DDX42: variants seen among roughly 807,000 people sequenced by gnomAD.
DDX42 encodes the protein DEAD-box helicase 42.
In DDX42, 22 loss-of-function variants were observed where a neutral mutation model predicts 101.5. The observed-to-expected ratio is 0.22, with a 90% CI of 0.15 to 0.31. The LOEUF (loss-of-function observed/expected upper bound fraction) is 0.31, where lower values mean the gene tolerates loss of function less well. Ranked by LOEUF, DDX42 falls within the 10% of genes least tolerant of loss-of-function variation. The pLI is 1.00. For synonymous variants in DDX42, 402 were observed against 401.2 expected, an observed-to-expected ratio of 1.00 and a Z score of -0.02; for missense variants, 849 against 1,199.9, an observed-to-expected ratio of 0.71 and a Z score of 4.32.
intron 1 of DDX42, among the ~76,000 whole-genome samples, chr17:63,785,902 T>C (rs1440803888): frequency 6.6e-6 from 1 of 152,228 alleles, no homozygotes; most frequent in East Asian, 1.9e-4. Flanking sequence ...CAGATGTCAT[T>C]ACCAGAGGAT....
At chr17:63,813,883 A>G (rs1284735411) in intron 15 of DDX42, among the ~76,000 whole-genome samples, 1 of 151,716 alleles carries the variant, frequency 6.6e-6, no homozygotes, top group African/African-American at 2.4e-5. Flanking sequence ...TCTATCGCCC[A>G]GGCTGCAGTG....
chr17:63,778,525 G>A (rs2039448166), intron 1 of DDX42, among the ~76,000 whole-genome samples: 1 of 152,140 alleles, frequency 6.6e-6, no homozygotes, highest in African/African-American at 2.4e-5. Flanking sequence ...GAGTATGGCT[G>A]CATCTGATTC....
At chr17:63,794,338 G>A (rs1163547114) in intron 3 of DDX42, among the ~76,000 whole-genome samples, 2 of 152,042 alleles carry the variant, frequency 1.3e-5, no homozygotes, top group East Asian at 3.9e-4. Flanking sequence ...GAGTCTAGGA[G>A]TTCAAGATCA....
At chr17:63,804,988 G>C (rs975165475) in intron 6 of DDX42, 83 bp from the exon 7 acceptor site, 2 of 1,494,920 alleles carry the variant, frequency 1.3e-6, no homozygotes, top group Non-Finnish European at 1.8e-6. Context: ...TGTAAAATTT[G>C]GAAAAGATTA....
rs199989065 is a variant in DDX42 at position 63,783,498 on chromosome 17, T to G, written c.-16-3536T>G. ...CCTCTTGTAAAGATAGCTTATAGAT[T>G]AGTTTAAAAACGTCAGATGCTGAAA... On this transcript the variant is annotated intron_variant, in intron 1 of 17. Transcript: ENST00000389924. 1.1e-4 allele frequency among the ~76,000 whole-genome samples: 16 copies of G among 152,308 alleles called. No individual in the cohort carries two copies. The East Asian group carries it at 3.1e-3, about 29-fold the overall frequency.
At chr17:63,815,168 T>A (rs2039961748) in intron 15 of DDX42, among the ~76,000 whole-genome samples, 1 of 152,250 alleles carries the variant, frequency 6.6e-6, no homozygotes, top group South Asian at 2.1e-4. Flanking sequence ...CTTCTGAACA[T>A]ACCAGTTGTT....
chr17:63,813,831 T>C (rs752155566), intron 15 of DDX42, among the ~76,000 whole-genome samples: 3 of 152,006 alleles, frequency 2.0e-5, no homozygotes, highest in Non-Finnish European at 2.9e-5. Context: ...ATGTGTATAG[T>C]ATAGTGCCCC....
intron 1 of DDX42, among the ~76,000 whole-genome samples, chr17:63,777,015 T>C (rs58131426): frequency 0.32 from 48,919 of 151,970 alleles, 8,589 homozygotes; most frequent in South Asian, 0.58. Flanking sequence ...CAAGCAATCC[T>C]CTTGCCTCAG....
intron 6 of DDX42, among the ~76,000 whole-genome samples, chr17:63,802,372 A>G (rs2039781665): frequency 6.6e-6 from 1 of 152,238 alleles, no homozygotes. Flanking sequence ...TTGAGTTGTA[A>G]GGTGAACTAG....
rs1481196248 is a variant in DDX42 at position 63,798,431 on chromosome 17, TATAAA to T, written c.434+336_434+340del. 9.2e-5 allele frequency among the ~76,000 whole-genome samples: 14 copies of T among 152,352 alleles called. No individual in the cohort carries two copies. In the South Asian group the frequency reaches 1.0e-3, roughly 11 times the overall value. ...TGTTCTGAGTTTGTCGCATAATTAATATAAAATAGGTTTATGCCTATATGGTTGAT... is the reference window on the plus strand; with the variant it reads ...TGTTCTGAGTTTGTCGCATAATTAATATAGGTTTATGCCTATATGGTTGAT... On this transcript the variant is annotated intron_variant, in intron 4 of 17. Transcript: ENST00000389924.
intron 4 of DDX42, among the ~76,000 whole-genome samples, chr17:63,798,956 T>G (rs2039727361): frequency 6.6e-6 from 1 of 151,660 alleles, no homozygotes; most frequent in South Asian, 2.1e-4. Context: ...AGGCAGAAAG[T>G]CTGATTAGAA....
intron 1 of DDX42, among the ~76,000 whole-genome samples, chr17:63,777,293 C>T (rs1423569732): frequency 6.6e-6 from 1 of 151,946 alleles, no homozygotes; most frequent in Non-Finnish European, 1.5e-5. Flanking sequence ...TTGTAGATCT[C>T]CTTTAGTCTT....
At chr17:63,807,009 A>T (rs2039849631) in intron 8 of DDX42, among the ~76,000 whole-genome samples, 1 of 152,132 alleles carries the variant, frequency 6.6e-6, no homozygotes, top group African/African-American at 2.4e-5. Flanking sequence ...TATATATGGG[A>T]TTTATTTATT....
chr17:63,808,111 G>A (rs999164405), intron 9 of DDX42, among the ~76,000 whole-genome samples: 2 of 152,130 alleles, frequency 1.3e-5, no homozygotes, highest in African/African-American at 4.8e-5. Flanking sequence ...AAAGTATTAT[G>A]TGTTAAATAT....
At chr17:63,809,199 T>C (rs574141947) in intron 10 of DDX42, among the ~76,000 whole-genome samples, 1 of 152,180 alleles carries the variant, frequency 6.6e-6, no homozygotes, top group South Asian at 2.1e-4. Context: ...TCCCACAAAA[T>C]GATTGCCAAG....
Position 63,800,639 on chromosome 17 carries a change from T to G in DDX42, c.621+22T>G, listed in dbSNP as rs1462225038. 2.5e-6 allele frequency: 4 copies of G among 1,609,680 alleles called. No homozygotes were observed. The East Asian group carries it at 8.9e-5, about 36-fold the overall frequency. ...AGAGGTATGGTGTTTCTTGCTGAAT[T>G]TTACTCTTGTTTCAAGCTGATGCTT... On this transcript the variant is annotated intron_variant, in intron 6 of 17. Transcript: ENST00000389924.
chr17:63,795,489 G>A (rs1198246054), intron 3 of DDX42, among the ~76,000 whole-genome samples: 1 of 151,454 alleles, frequency 6.6e-6, no homozygotes, highest in South Asian at 2.1e-4. Context: ...AACTACAGGT[G>A]CACGGCACCA....
At position 63,789,042 on chromosome 17, in the gene DDX42, A is replaced by G. The variant is rs2039586287; in HGVS notation, c.221+1772A>G. ...CTCAGCCTCCTGAGTAGCTAGGACC[A>G]TAGGCACATGCCACCATACCCTGCT... On this transcript the variant is annotated intron_variant, in intron 2 of 17. Transcript: ENST00000389924. 2.0e-5 allele frequency among the ~76,000 whole-genome samples: 3 copies of G among 151,954 alleles called. No homozygotes were observed. The South Asian group carries it at 6.2e-4, about 32-fold the overall frequency.
At chr17:63,807,602 C>A in intron 8 of DDX42, 122 bp from the exon 9 acceptor site, 1 of 821,670 alleles carries the variant, frequency 1.2e-6, no homozygotes, top group Non-Finnish European at 1.9e-6. Context: ...TGCATAGCAC[C>A]AGGTATGTTT....
Sources: gnomAD v4.1 joint callset for allele counts (sites outside exome capture counted in the v4.1 genomes callset) on GRCh38, gnomAD v4.1.1 for gene constraint, MANE v1.5 for transcripts, NCBI Gene and HGNC (gene_info 2026-07-23, HGNC 2026-07-21) for gene names.